The following GREM2 variants were observed in gnomAD, a reference collection of about 807,000 sequenced individuals.
GREM2 encodes the protein gremlin 2, DAN family BMP antagonist, also known as gremlin-2.
Under a neutral mutation model 14.2 loss-of-function variants are expected in GREM2, and 11 were observed. The ratio of observed to expected loss-of-function variants is 0.78; its 90% CI spans 0.49 to 1.28. The LOEUF (loss-of-function observed/expected upper bound fraction) is 1.28. Among genes scored for constraint, GREM2 ranks in the 50% most tolerant of loss-of-function variants. The probability of loss-of-function intolerance (pLI) is 0.00; values close to 1 mark genes in which losing one functional copy is unlikely to be tolerated. For missense variants in GREM2, 210 were observed against 218.5 expected, an observed-to-expected ratio of 0.96 and a Z score of 0.24; for synonymous variants, 98 against 97.6, an observed-to-expected ratio of 1.00 and a Z score of -0.02.
At chr1:240,510,318 A>T (rs1037030850) in intron 1 of GREM2, among the ~76,000 whole-genome samples, 16 of 137,342 alleles carry the variant, frequency 1.2e-4, no homozygotes, top group Non-Finnish European at 1.8e-4. Context: ...TGCACTGAGC[A>T]GAGATCGCGC....
At chr1:240,497,321 C>T (rs1181528260) in intron 1 of GREM2, among the ~76,000 whole-genome samples, 2 of 119,586 alleles carry the variant, frequency 1.7e-5, no homozygotes, top group African/African-American at 2.9e-5. Flanking sequence ...TTATGGAGTA[C>T]ATGAGATCTT....
intron 1 of GREM2, among the ~76,000 whole-genome samples, chr1:240,556,577 T>C (rs1678954532): frequency 6.6e-6 from 1 of 150,652 alleles, no homozygotes; most frequent in African/African-American, 2.4e-5. Flanking sequence ...GCAAAACAAC[T>C]AAAAGAAAAG....
chr1:240,507,208 G>T (rs769487952), intron 1 of GREM2, among the ~76,000 whole-genome samples: 5 of 152,160 alleles, frequency 3.3e-5, no homozygotes, highest in Non-Finnish European at 5.9e-5. Context: ...AAGAAGAAAA[G>T]TGGGCTGAGA....
At chr1:240,606,348 T>A (rs547235283) in intron 1 of GREM2, among the ~76,000 whole-genome samples, 69 of 152,230 alleles carry the variant, frequency 4.5e-4, no homozygotes, top group African/African-American at 1.6e-3. Flanking sequence ...GTGGAAAAAA[T>A]ATCTGAAATG....
intron 1 of GREM2, among the ~76,000 whole-genome samples, chr1:240,519,909 C>G (rs1264499555): frequency 6.6e-6 from 1 of 151,896 alleles, no homozygotes; most frequent in South Asian, 2.1e-4. Context: ...GGAGAAATCC[C>G]GTCTCTACTA....
chr1:240,526,187 G>T (rs144609664), intron 1 of GREM2, among the ~76,000 whole-genome samples: 2 of 152,116 alleles, frequency 1.3e-5, no homozygotes, highest in East Asian at 1.9e-4. Context: ...GGATTAGGAC[G>T]TGGGCATCTT....
At chr1:240,598,048 C>T (rs1426211856) in intron 1 of GREM2, among the ~76,000 whole-genome samples, 1 of 152,104 alleles carries the variant, frequency 6.6e-6, no homozygotes, top group African/African-American at 2.4e-5. Context: ...AGTTCAACAC[C>T]ACTGCAGTTA....
chr1:240,505,693 A>G (rs1677661309), intron 1 of GREM2, among the ~76,000 whole-genome samples: 1 of 152,006 alleles, frequency 6.6e-6, no homozygotes, highest in Non-Finnish European at 1.5e-5. Context: ...TAATGTGACC[A>G]CATTATTAAA....
intron 1 of GREM2, among the ~76,000 whole-genome samples, chr1:240,566,131 C>T (rs1050884145): frequency 1.3e-5 from 2 of 151,972 alleles, no homozygotes; most frequent in African/African-American, 4.8e-5. Context: ...GTTTAAAATG[C>T]TGAGACATAT....
rs200402727 is a variant in GREM2, at chr1:240,493,048, G to T, written c.428C>A (p.Pro143His). The change falls in exon 2 of 2, where the codon CCC becomes CAC. Residue 143 changes from proline (P) to histidine (H), a missense_variant. By Grantham distance (77) the Pro-to-His change is moderately conservative. Transcript: ENST00000318160. ...VELECPGLDP[P>H]FRLKKIQKVK... ...CTTCTGGATTTTCTTGAGTCGGAAG[G>T]GTGGGTCCAGGCCGGGGCACTCGAG... The T allele has an allele frequency of 3.1e-6, 5 of 1,606,914 alleles. No homozygotes were observed. The highest frequency in any genetic ancestry group is 1.7e-6 in the Non-Finnish European group (2 of 1,174,328).
intron 1 of GREM2, among the ~76,000 whole-genome samples, chr1:240,579,767 A>G (rs527665063): frequency 1.3e-5 from 2 of 152,216 alleles, no homozygotes; most frequent in East Asian, 3.9e-4. Flanking sequence ...TGGGCTTTGA[A>G]GTGTGATGGA....
chr1:240,510,263 G>C (rs748091275), intron 1 of GREM2, among the ~76,000 whole-genome samples: 171 of 150,784 alleles, frequency 1.1e-3, no homozygotes, highest in Non-Finnish European at 1.9e-3. Flanking sequence ...CCAGCTAGTC[G>C]GGAGGCTGAG....
chr1:240,566,814 A>G (rs1474304242), intron 1 of GREM2, among the ~76,000 whole-genome samples: 1 of 152,182 alleles, frequency 6.6e-6, no homozygotes, highest in Non-Finnish European at 1.5e-5. Context: ...ACAGATTACC[A>G]GGCATGCAAA....
intron 1 of GREM2, among the ~76,000 whole-genome samples, chr1:240,573,002 A>G (rs1242714059): frequency 6.6e-6 from 1 of 152,186 alleles, no homozygotes; most frequent in African/African-American, 2.4e-5. Flanking sequence ...TATCAAAATA[A>G]TGCTAAATAG....
chr1:240,493,299 G>A lies in GREM2; in HGVS notation c.177C>T (p.Ala59=). The A allele has an allele frequency of 1.2e-6, 2 of 1,614,014 alleles. No individual in the cohort carries two copies. The highest frequency in any genetic ancestry group is 4.5e-5 in the East Asian group (2 of 44,820). Residue 59 remains alanine, a synonymous_variant, in exon 2 of 2, where the codon GCC becomes GCT. Transcript: ENST00000318160. ...GGTACTTGCGCTCGGTGACCACCAG[G>A]GCCTCCTGGCTGGAGGCCAGCACCT... The part of the protein sequence containing the change: ...IKEVLASSQE[A]LVVTERKYLK...
intron 1 of GREM2, among the ~76,000 whole-genome samples, chr1:240,547,532 T>TATATAG (rs1187770486): frequency 8.2e-6 from 1 of 121,874 alleles, no homozygotes. Flanking sequence ...TATATATATA[T>TATATAG]ATAGATAGAT....
rs55872733 is a variant in GREM2 at position 240,550,404 on chromosome 1, A to AAAACAAAC, written c.-1-56936_-1-56929dup. 60 of 151,750 alleles carry AAAACAAAC rather than the reference A, an allele frequency of 4.0e-4. 1 individual carries two copies. Among genetic ancestry groups the AAAACAAAC allele is most frequent in the African/African-American group, 7.0e-4 (29 of 41,338 alleles). The allele number at this position is 151,750 out of a possible 1,614,324, so 9.4% of individuals were successfully genotyped here. On this transcript the variant is annotated intron_variant, in intron 1 of 1. Coordinates refer to ENST00000318160, the MANE Select transcript of GREM2 (RefSeq NM_022469.4). ...CGGATTTACAGATTAATGATTTGTT[A>AAAACAAAC]AAACAAACAAACAAACAAACAAACA...
At chr1:240,584,517 A>G (rs1435239894) in intron 1 of GREM2, among the ~76,000 whole-genome samples, 3 of 150,564 alleles carry the variant, frequency 2.0e-5, no homozygotes, top group Admixed American at 6.6e-5. Flanking sequence ...AAAAAAGAAG[A>G]ATGAAAATAA....
chr1:240,600,959 A>C (rs1009555406), intron 1 of GREM2, among the ~76,000 whole-genome samples: 1 of 152,194 alleles, frequency 6.6e-6, no homozygotes, highest in African/African-American at 2.4e-5. Flanking sequence ...AATAATTATT[A>C]TTTCCATTTC....
Sources: allele counts gnomAD v4.1 joint callset (sites outside exome capture counted in the v4.1 genomes callset), GRCh38; gene constraint gnomAD v4.1.1; transcripts MANE v1.5; gene names NCBI Gene and HGNC (gene_info 2026-07-23, HGNC 2026-07-21).